The following RNF126 variants were observed in gnomAD, a reference collection of about 807,000 sequenced individuals.
RNF126 encodes the protein ring finger protein 126, also known as E3 ubiquitin-protein ligase RNF126.
RNF126 carries 20 observed loss-of-function variants against 41.9 expected under a neutral mutation model. The observed-to-expected ratio is 0.48, with a 90% CI of 0.34 to 0.69. RNF126 has a LOEUF of 0.69. Ranked by LOEUF, RNF126 falls within the 30% of genes least tolerant of loss-of-function variation. The pLI, the probability that RNF126 is intolerant of heterozygous loss-of-function variation, is 0.01. For missense variants in RNF126, 433 were observed against 460.6 expected (o/e 0.94, Z 0.55); for synonymous variants, 239 against 202.9 (o/e 1.18, Z -1.51).
At chr19:656,987 G>C (rs1363643002) in intron 1 of RNF126, among the ~76,000 whole-genome samples, 1 of 152,172 alleles carries the variant, frequency 6.6e-6, no homozygotes, top group Admixed American at 6.5e-5. Flanking sequence ...GGGTAGCTCA[G>C]GGCTCAGGCT....
intron 4 of RNF126, 23 bp from the exon 5 acceptor site, chr19:650,319 C>G (rs373118509): frequency 6.4e-7 from 1 of 1,565,368 alleles, no homozygotes; most frequent in Non-Finnish European, 8.7e-7. Flanking sequence ...GCGCCAGTCA[C>G]GGGGTGAGGC....
chr19:654,454 C>A (rs1394993841), intron 1 of RNF126, among the ~76,000 whole-genome samples: 25 of 140,608 alleles, frequency 1.8e-4, no homozygotes, highest in East Asian at 4.3e-4. Flanking sequence ...ACCAGCCTGG[C>A]CAACATGGTG....
intron 4 of RNF126, chr19:651,403 G>T: frequency 2.2e-6 from 1 of 448,966 alleles, no homozygotes; most frequent in Non-Finnish European, 3.8e-6. Context: ...CCACTCTGTG[G>T]TCAACCCACA....
Position 648,002 on chromosome 19 carries a change from G to A in RNF126, c.*126C>T. On this transcript the variant is annotated 3_prime_UTR_variant, in exon 9 of 9. Coordinates refer to ENST00000292363, the MANE Select transcript of RNF126 (RefSeq NM_194460.3). ...CGGGCCCGGGTCCTGCCCTGGAACA[G>A]GCGGGACCTGCAGCGCTGACCAGCC... The A allele has an allele frequency of 1.7e-6, 2 of 1,190,944 alleles. No individual in the cohort carries two copies. Among genetic ancestry groups the A allele is most frequent in the East Asian group, 5.2e-5 (2 of 38,750 alleles). The allele number at this position is 1,190,944 out of a possible 1,614,324, so 73.8% of individuals were successfully genotyped here.
chr19:662,995 C>A, intron 1 of RNF126, 52 bp downstream of exon 1: 1 of 1,021,612 alleles, frequency 9.8e-7, no homozygotes, highest in Non-Finnish European at 1.3e-6. Context: ...CCGGCCTTGC[C>A]TCAGGCCTGC....
chr19:649,478 A>G (rs2030166248), intron 6 of RNF126: 1 of 581,630 alleles, frequency 1.7e-6, no homozygotes, highest in Non-Finnish European at 3.1e-6. Flanking sequence ...TGAACACAGG[A>G]GAACCCCCAA....
At chr19:662,325 TC>T (rs1056618647) in intron 1 of RNF126, among the ~76,000 whole-genome samples, 13 of 152,094 alleles carry the variant, frequency 8.5e-5, no homozygotes, top group African/African-American at 3.1e-4. Flanking sequence ...GAAGTAGCAC[TC>T]GGCACGCCCA....
chr19:651,081 A>C (rs2030253197), intron 4 of RNF126, among the ~76,000 whole-genome samples: 1 of 152,156 alleles, frequency 6.6e-6, no homozygotes, highest in Non-Finnish European at 1.5e-5. Flanking sequence ...ACACAACCAT[A>C]AAAGCATCAA....
chr19:649,165 C>T (rs140144851), intron 6 of RNF126, 190 bp from the exon 7 acceptor site: 2,418 of 225,092 alleles, frequency 0.011, 43 homozygotes, highest in African/African-American at 0.045. Flanking sequence ...GGTCCCCTGA[C>T]GGTGGAATGG....
intron 1 of RNF126, among the ~76,000 whole-genome samples, chr19:660,707 G>A (rs761653600): frequency 1.1e-4 from 16 of 152,170 alleles, no homozygotes; most frequent in South Asian, 2.1e-4. Context: ...ACGGCTCACC[G>A]CAGCCTCCAC....
chr19:650,353 C>G, intron 4 of RNF126, 57 bp from the exon 5 acceptor site: 1 of 1,480,850 alleles, frequency 6.8e-7, no homozygotes, highest in Non-Finnish European at 9.2e-7. Context: ...GGAGAGGCGC[C>G]AGGCCTGCCA....
intron 1 of RNF126, among the ~76,000 whole-genome samples, chr19:653,125 G>GT (rs1182530087): frequency 6.7e-6 from 1 of 149,804 alleles, no homozygotes; most frequent in Non-Finnish European, 1.5e-5. Context: ...TGGCCCCACC[G>GT]TGACGGGCGT....
intron 6 of RNF126, 106 bp from the exon 7 acceptor site, chr19:649,081 C>G: frequency 2.0e-6 from 1 of 504,978 alleles, no homozygotes; most frequent in Non-Finnish European, 3.2e-6. Flanking sequence ...CGCGTTTGTC[C>G]TGGGCCCTGG....
chr19:662,308 C>T (rs1047086565), intron 1 of RNF126, among the ~76,000 whole-genome samples: 1 of 152,218 alleles, frequency 6.6e-6, no homozygotes, highest in African/African-American at 2.4e-5. Context: ...CTGCCCTAAA[C>T]GAGCAGGAAG....
chr19:656,378 G>A (rs1044858788), intron 1 of RNF126, among the ~76,000 whole-genome samples: 1 of 152,046 alleles, frequency 6.6e-6, no homozygotes, highest in Non-Finnish European at 1.5e-5. Flanking sequence ...AAAGGGCTGG[G>A]CACAGTGGCT....
At position 663,129 on chromosome 19, in the gene RNF126, G is replaced by C; in HGVS notation, c.-8C>G. 1 of 1,260,582 alleles carries C rather than the reference G, an allele frequency of 7.9e-7. No homozygotes were observed. The highest frequency in any genetic ancestry group is 1.0e-6 in the Non-Finnish European group (1 of 995,626). 78.1% of individuals were successfully genotyped at this position (1,260,582 alleles called of 1,614,324 possible). On this transcript the variant is annotated 5_prime_UTR_variant, in exon 1 of 9. Transcript: ENST00000292363. ...CGGCGACGCCTCGGCCATGGCCGCC[G>C]CCACCTACTCCGCGCCGCCCGCCCC...
At chr19:662,632 T>G (rs1382748912) in intron 1 of RNF126, among the ~76,000 whole-genome samples, 1 of 152,110 alleles carries the variant, frequency 6.6e-6, no homozygotes, top group Non-Finnish European at 1.5e-5. Flanking sequence ...GCCCAGCCCC[T>G]GCCCCGCGCC....
chr19:658,736 G>GC (rs1292490703), intron 1 of RNF126, among the ~76,000 whole-genome samples: 3 of 152,212 alleles, frequency 2.0e-5, no homozygotes, highest in Admixed American at 6.5e-5. Context: ...CCAGGCTGGG[G>GC]CCCCGCCTCA....
At chr19:657,055 C>T (rs1454976263) in intron 1 of RNF126, among the ~76,000 whole-genome samples, 1 of 152,202 alleles carries the variant, frequency 6.6e-6, no homozygotes, top group Non-Finnish European at 1.5e-5. Flanking sequence ...AACAGCTGCA[C>T]TGGCCCCCAC....
Sources: allele counts gnomAD v4.1 joint callset (sites outside exome capture counted in the v4.1 genomes callset), GRCh38; gene constraint gnomAD v4.1.1; transcripts MANE v1.5; gene names NCBI Gene and HGNC (gene_info 2026-07-23, HGNC 2026-07-21).